Variants in MTAP observed in about 807,000 individuals in gnomAD.
MTAP encodes the protein S-methyl-5'-thioadenosine phosphorylase.
A neutral mutation model predicts 33.6 loss-of-function variants in MTAP; 33 were observed. The observed-to-expected ratio is 0.98, with a 90% CI of 0.74 to 1.31. The LOEUF (loss-of-function observed/expected upper bound fraction) is 1.31. Ranked by LOEUF, MTAP falls within the 40% of genes most tolerant of loss-of-function variation. The probability of loss-of-function intolerance (pLI) is 0.00; values close to 1 mark genes in which losing one functional copy is unlikely to be tolerated. For synonymous variants in MTAP, 148 were observed against 125.7 expected, an observed-to-expected ratio of 1.18 and a Z score of -1.19; for missense variants, 367 against 360.0, an observed-to-expected ratio of 1.02 and a Z score of -0.16.
At chr9:21,896,709 A>C (rs112899325) in intron 1 of MTAP, among the ~76,000 whole-genome samples, 4 of 152,194 alleles carry the variant, frequency 2.6e-5, no homozygotes, top group African/African-American at 9.7e-5. Flanking sequence ...TGAATAGACC[A>C]ATAACAGGTT....
chr9:21,902,684 C>G (rs1186616342), intron 1 of MTAP, among the ~76,000 whole-genome samples: 1 of 152,172 alleles, frequency 6.6e-6, no homozygotes, highest in Non-Finnish European at 1.5e-5. Context: ...CTGTTTTCAT[C>G]AGGGTTTTTA....
At chr9:21,928,022 G>A (rs1029108686) in intron 1 of MTAP, among the ~76,000 whole-genome samples, 1 of 152,186 alleles carries the variant, frequency 6.6e-6, no homozygotes, top group African/African-American at 2.4e-5. Context: ...AGCTAAAGAG[G>A]CAGCCATCTC....
intron 1 of MTAP, among the ~76,000 whole-genome samples, chr9:21,882,748 A>C (rs1031820952): frequency 7.2e-5 from 11 of 152,058 alleles, no homozygotes; most frequent in African/African-American, 2.7e-4. Flanking sequence ...TGTCTCAATA[A>C]ATTTTAAAGT....
At chr9:21,895,586 C>T (rs529302274) in intron 1 of MTAP, among the ~76,000 whole-genome samples, 2 of 152,274 alleles carry the variant, frequency 1.3e-5, no homozygotes, top group African/African-American at 4.8e-5. Context: ...CAGATGGTAC[C>T]TGGAAAACTG....
chr9:21,863,636 AG>A lies in MTAP; in HGVS notation c.*1623del. 1.0e-6 allele frequency: 1 copy of A among 981,514 alleles called. No individual in the cohort carries two copies. Among genetic ancestry groups the A allele is most frequent in the Non-Finnish European group, 1.2e-6 (1 of 828,368 alleles). 60.8% of individuals were successfully genotyped at this position (981,514 alleles called of 1,614,324 possible). A position where few individuals can be genotyped will look rare whatever the true frequency, so the allele number is the denominator to read the frequency against. ...AGACTCAGTCTCAAAAAAAAAAAAA[AG>A]AGTGAAATGCTTTTTGTTTGCTTCA... On this transcript the variant is annotated 3_prime_UTR_variant, in exon 8 of 8. Transcript: ENST00000644715.
At chr9:21,815,147 G>T (rs1034798966) in intron 1 of MTAP, among the ~76,000 whole-genome samples, 1 of 152,156 alleles carries the variant, frequency 6.6e-6, no homozygotes, top group South Asian at 2.1e-4. Flanking sequence ...ACCTCTCTAT[G>T]CTGACTTGTA....
chr9:21,825,382 A>G (rs1332537003), intron 4 of MTAP, among the ~76,000 whole-genome samples: 1 of 152,150 alleles, frequency 6.6e-6, no homozygotes, highest in African/African-American at 2.4e-5. Context: ...ATTTCCTTAT[A>G]CACTCTGAGA....
chr9:21,915,089 C>CTTTCTTTCTTTCTTTCTTTCTTTCTT (rs1563869575), intron 1 of MTAP, among the ~76,000 whole-genome samples: 1 of 124,040 alleles, frequency 8.1e-6, no homozygotes, highest in African/African-American at 3.8e-5. Flanking sequence ...TCTTTCCTTT[C>CTTTCTTTCTTTCTTTCTTTCTTTCTT]TTTCTTTTCT....
In MTAP at chr9:21,864,073, A is replaced by G; in HGVS notation, c.*2059A>G. On this transcript the variant is annotated 3_prime_UTR_variant, in exon 8 of 8. Coordinates refer to ENST00000644715, the MANE Select transcript of MTAP (RefSeq NM_002451.4). ...TACCTTACTTTTCCTCATTCTTAATAGGTGTCTAAGAATGTCAGGGCAAAA... is the reference window on the plus strand; with the variant it reads ...TACCTTACTTTTCCTCATTCTTAATGGGTGTCTAAGAATGTCAGGGCAAAA... The G allele has an allele frequency of 1.0e-6, 1 of 985,426 alleles. No individual in the cohort carries two copies. The highest frequency in any genetic ancestry group is 1.2e-6 in the Non-Finnish European group (1 of 829,878). The allele number at this position is 985,426 out of a possible 1,614,324, so 61.0% of individuals were successfully genotyped here. A position where few individuals can be genotyped will look rare whatever the true frequency, so the allele number is the denominator to read the frequency against.
chr9:21,837,198 A>G (rs1169828605), intron 4 of MTAP, among the ~76,000 whole-genome samples: 1 of 152,222 alleles, frequency 6.6e-6, no homozygotes, highest in Non-Finnish European at 1.5e-5. Context: ...CGGCTGGGAA[A>G]AAGAACAATC....
chr9:21,806,106 C>G (rs747983179), intron 1 of MTAP, among the ~76,000 whole-genome samples: 1 of 152,106 alleles, frequency 6.6e-6, no homozygotes, highest in Non-Finnish European at 1.5e-5. Flanking sequence ...GAGTGGGAGG[C>G]AGCATTTGAT....
intron 1 of MTAP, among the ~76,000 whole-genome samples, chr9:21,920,748 T>A (rs1017658635): frequency 6.6e-6 from 1 of 152,208 alleles, no homozygotes; most frequent in Non-Finnish European, 1.5e-5. Context: ...CTGGAAATAT[T>A]TATCCCTTGG....
At chr9:21,803,489 G>A (rs1460544807) in intron 1 of MTAP, 1 of 152,198 alleles carries the variant, frequency 6.6e-6, no homozygotes, top group Non-Finnish European at 1.5e-5. Flanking sequence ...AGCCTTGCAA[G>A]TTAGAGTTCA....
intron 5 of MTAP, among the ~76,000 whole-genome samples, chr9:21,839,560 T>G (rs1161147532): frequency 1.3e-5 from 2 of 152,232 alleles, no homozygotes; most frequent in East Asian, 1.9e-4. Flanking sequence ...TAGCCTCCCT[T>G]GAAGCCAAAT....
intron 5 of MTAP, among the ~76,000 whole-genome samples, chr9:21,840,595 C>T (rs1028274534): frequency 1.3e-5 from 2 of 152,158 alleles, no homozygotes; most frequent in Non-Finnish European, 1.5e-5. Context: ...TGGATGTACT[C>T]CCAGTCTCCA....
At chr9:21,924,543 G>T (rs1177787691) in intron 1 of MTAP, among the ~76,000 whole-genome samples, 1 of 152,198 alleles carries the variant, frequency 6.6e-6, no homozygotes, top group Non-Finnish European at 1.5e-5. Flanking sequence ...CCAGACCTTT[G>T]TTGGGCTTGT....
chr9:21,887,953 T>C (rs1221411371), intron 1 of MTAP, among the ~76,000 whole-genome samples: 1 of 152,206 alleles, frequency 6.6e-6, no homozygotes, highest in Non-Finnish European at 1.5e-5. Context: ...GATATAGCAG[T>C]ACTACTGATT....
At chr9:21,908,455 TC>T (rs1465985558) in intron 1 of MTAP, among the ~76,000 whole-genome samples, 3 of 152,170 alleles carry the variant, frequency 2.0e-5, no homozygotes, top group Non-Finnish European at 4.4e-5. Context: ...TGTGTTAATT[TC>T]TATGAGATAA....
chr9:21,832,179 C>T (rs1486634379), intron 4 of MTAP, among the ~76,000 whole-genome samples: 1 of 152,184 alleles, frequency 6.6e-6, no homozygotes, highest in Non-Finnish European at 1.5e-5. Flanking sequence ...TCAGGAAAGT[C>T]CCGCTATAAA....
Sources: gnomAD v4.1 joint callset for allele counts (sites outside exome capture counted in the v4.1 genomes callset) on GRCh38, gnomAD v4.1.1 for gene constraint, MANE v1.5 for transcripts, NCBI Gene and HGNC (gene_info 2026-07-23, HGNC 2026-07-21) for gene names.